Variants in SLC6A2 observed in about 807,000 individuals in gnomAD.
SLC6A2 encodes solute carrier family 6 member 2.
SLC6A2 carries 26 observed loss-of-function variants against 71.7 expected under a neutral mutation model. The ratio of observed to expected loss-of-function variants is 0.36; its 90% CI spans 0.27 to 0.50. The LOEUF (loss-of-function observed/expected upper bound fraction) is 0.50. Ranked by LOEUF, SLC6A2 falls within the 20% of genes least tolerant of loss-of-function variation. The pLI, the probability that SLC6A2 is intolerant of heterozygous loss-of-function variation, is 0.96. For synonymous variants in SLC6A2, 363 were observed against 337.9 expected (o/e 1.07, Z -0.82); for missense variants, 581 against 803.9 (o/e 0.72, Z 3.35).
At chr16:55,677,959 C>T (rs763334890) in intron 4 of SLC6A2, among the ~76,000 whole-genome samples, 1 of 152,172 alleles carries the variant, frequency 6.6e-6, no homozygotes, top group African/African-American at 2.4e-5. Context: ...CCTCACCCGG[C>T]CTACAGGGCT....
chr16:55,680,582 G>A (rs1355612981), intron 4 of SLC6A2, among the ~76,000 whole-genome samples: 2 of 152,126 alleles, frequency 1.3e-5, no homozygotes, highest in Admixed American at 6.5e-5. Context: ...ACTAGATGGT[G>A]CCCACCCAGA....
chr16:55,694,279 G>A (rs1261647541), intron 7 of SLC6A2, among the ~76,000 whole-genome samples, 166 bp downstream of exon 7: 1 of 152,118 alleles, frequency 6.6e-6, no homozygotes, highest in East Asian at 1.9e-4. Context: ...GCCTCTGAGG[G>A]TCCTGATGAC....
rs201774381 is a variant in SLC6A2 at position 55,702,747 on chromosome 16, C to CCCAAGAAAAA, written c.*401_*402insCCAAGAAAAA. On this transcript the variant is annotated 3_prime_UTR_variant, in exon 15 of 15. Transcript: ENST00000568943. Reference sequence around the variant, plus strand: ...TGGGCTTTTGATCAGATACCCCTCCCAAAAAAAAAAAAAACTAAAACTAAA... The same window carrying CCCAAGAAAAA: ...TGGGCTTTTGATCAGATACCCCTCCCCCAAGAAAAAAAAAAAAAAAAAAACTAAAACTAAA... The CCCAAGAAAAA allele has an allele frequency of 1.3e-6, 1 of 780,430 alleles. No homozygotes were observed. Among genetic ancestry groups the CCCAAGAAAAA allele is most frequent in the African/African-American group, 2.4e-5 (1 of 42,032 alleles). 48.3% of individuals were successfully genotyped at this position (780,430 alleles called of 1,614,324 possible).
chr16:55,695,255 C>T, intron 7 of SLC6A2, 23 bp from the exon 8 acceptor site: 3 of 1,613,958 alleles, frequency 1.9e-6, no homozygotes, highest in Middle Eastern at 1.6e-4. Context: ...AGGGACTTGA[C>T]CTCACTGTGC....
intron 6 of SLC6A2, 47 bp downstream of exon 6, chr16:55,692,099 G>C (rs756867558): frequency 6.2e-6 from 10 of 1,609,288 alleles, no homozygotes; most frequent in Non-Finnish European, 8.5e-6. Context: ...TTGTGGGAGG[G>C]TTTTCAGGAG....
Position 55,669,590 on chromosome 16 carries a change from G to C in SLC6A2, c.300G>C (p.Leu100=), listed in dbSNP as rs767539013. The C allele has an allele frequency of 1.2e-6, 2 of 1,614,056 alleles. No individual in the cohort carries two copies. The highest frequency in any genetic ancestry group is 2.7e-5 in the African/African-American group (2 of 75,038). The change falls in exon 3 of 15, where the codon CTG becomes CTC. Residue 100 remains leucine (L), a synonymous_variant. Coordinates refer to ENST00000568943, the MANE Select transcript of SLC6A2 (RefSeq NM_001172501.3). The part of the protein sequence containing the change: ...GGGAFLIPYT[L]FLIIAGMPLF... ...GTGCCTTCTTGATCCCGTACACACT[G>C]TTCCTTATCATCGCGGGGATGCCCC...
chr16:55,703,030 G>C lies in SLC6A2; in HGVS notation c.*684G>C. 3.0e-6 allele frequency: 3 copies of C among 986,866 alleles called. No individual in the cohort carries two copies. In the South Asian group the frequency reaches 1.4e-4, roughly 46 times the overall value. The allele number at this position is 986,866 out of a possible 1,614,324, so 61.1% of individuals were successfully genotyped here. A position where few individuals can be genotyped will look rare whatever the true frequency, so the allele number is the denominator to read the frequency against. ...ACATTCCTCCAGCTTTTGGTGGTCAGATGGCCCAGAGATATGGGGGACAGG... is the reference window on the plus strand; with the variant it reads ...ACATTCCTCCAGCTTTTGGTGGTCACATGGCCCAGAGATATGGGGGACAGG... On this transcript the variant is annotated 3_prime_UTR_variant, in exon 15 of 15. Coordinates refer to ENST00000568943, the MANE Select transcript of SLC6A2 (RefSeq NM_001172501.3).
intron 5 of SLC6A2, among the ~76,000 whole-genome samples, chr16:55,690,642 T>TA (rs1245738780): frequency 6.6e-6 from 1 of 152,196 alleles, no homozygotes; most frequent in Admixed American, 6.5e-5. Context: ...TCAGCAAGGC[T>TA]ACCCATGGCT....
rs1267506622 is a variant in SLC6A2 at position 55,704,885 on chromosome 16, G to A, written c.*2539G>A. The A allele has an allele frequency of 5.1e-6, 1 of 194,828 alleles. No individual in the cohort carries two copies. The highest frequency in any genetic ancestry group is 1.0e-5 in the Non-Finnish European group (1 of 96,390). The allele number at this position is 194,828 out of a possible 1,614,324, so 12.1% of individuals were successfully genotyped here. A position where few individuals can be genotyped will look rare whatever the true frequency, so the allele number is the denominator to read the frequency against. Reference sequence around the variant, plus strand: ...CTCCAAGCCTGGGTCCCCTGGGAGGGTGGGGGTACCCAGAAAGCCCTTGGA... The same window carrying A: ...CTCCAAGCCTGGGTCCCCTGGGAGGATGGGGGTACCCAGAAAGCCCTTGGA... On this transcript the variant is annotated 3_prime_UTR_variant, in exon 15 of 15. Coordinates refer to ENST00000568943, the MANE Select transcript of SLC6A2 (RefSeq NM_001172501.3).
chr16:55,676,327 T>C (rs556469400), intron 4 of SLC6A2, among the ~76,000 whole-genome samples: 13 of 152,308 alleles, frequency 8.5e-5, no homozygotes, highest in Admixed American at 2.6e-4. Flanking sequence ...GCTAACTTCC[T>C]CCTATGTATT....
At position 55,702,406 on chromosome 16, in the gene SLC6A2, G is replaced by T. The variant is rs538101361; in HGVS notation, c.*60G>T. Reference sequence around the variant, plus strand: ...AATGTCCAGGTCACAGGCATCCGCTGCGCTCCCACCTCGGACACCATCTTG... The same window carrying T: ...AATGTCCAGGTCACAGGCATCCGCTTCGCTCCCACCTCGGACACCATCTTG... On this transcript the variant is annotated 3_prime_UTR_variant, in exon 15 of 15. Coordinates refer to ENST00000568943, the MANE Select transcript of SLC6A2 (RefSeq NM_001172501.3). 2.5e-6 allele frequency: 4 copies of T among 1,614,076 alleles called. No homozygotes were observed. Among genetic ancestry groups the T allele is most frequent in the Non-Finnish European group, 3.4e-6 (4 of 1,179,994 alleles).
Position 55,702,454 on chromosome 16 carries a change from C to A in SLC6A2, c.*108C>A. ...TTGGGATTCCTCCCCTGGAAGTTGT[C>A]CTTTCTGATCCTCTCTTCTTTTCCC... On this transcript the variant is annotated 3_prime_UTR_variant, in exon 15 of 15. Transcript: ENST00000568943. 1 of 1,598,460 alleles carries A rather than the reference C, an allele frequency of 6.3e-7. No homozygotes were observed. The highest frequency in any genetic ancestry group is 1.1e-5 in the South Asian group (1 of 89,428).
chr16:55,687,074 G>T (rs1274616837), intron 5 of SLC6A2, among the ~76,000 whole-genome samples: 2 of 152,192 alleles, frequency 1.3e-5, no homozygotes, highest in Non-Finnish European at 2.9e-5. Flanking sequence ...GGCAGGTTAT[G>T]GATCAACCAA....
intron 2 of SLC6A2, among the ~76,000 whole-genome samples, chr16:55,666,261 G>C (rs1964746820): frequency 6.6e-6 from 1 of 152,222 alleles, no homozygotes; most frequent in South Asian, 2.1e-4. Context: ...GACCACACAA[G>C]TATGGCAGTT....
intron 6 of SLC6A2, among the ~76,000 whole-genome samples, chr16:55,692,456 A>G (rs1328440573): frequency 4.6e-5 from 7 of 152,106 alleles, no homozygotes; most frequent in Non-Finnish European, 8.8e-5. Flanking sequence ...CCATCCTGTG[A>G]TGTCAGCACA....
chr16:55,696,486 A>T (rs1202948178), intron 9 of SLC6A2, 149 bp downstream of exon 9: 1 of 674,180 alleles, frequency 1.5e-6, no homozygotes, highest in Non-Finnish European at 2.7e-6. Context: ...CAGACAAAAA[A>T]AGTGAGTCCT....
Position 55,699,639 on chromosome 16 carries a change from T to C in SLC6A2, c.1575T>C (p.Ser525=), listed in dbSNP as rs541074368. The stretch of plus-strand genomic sequence containing the variant: ...GGAGACTGTGCTGGAAGTTCGTCAG[T>C]CCTGCCTTCCTCCTGGTGTGTAGTG... The part of the protein sequence containing the change: ...LYWRLCWKFV[S]PAFLLFVVVV... The change falls in exon 12 of 15, where the codon AGT becomes AGC. Residue 525 remains serine (S), a synonymous_variant. Transcript: ENST00000568943. 4.0e-5 allele frequency: 65 copies of C among 1,612,716 alleles called. 1 individual carries two copies. In the Admixed American group the frequency reaches 8.2e-4, roughly 20 times the overall value.
In SLC6A2 at chr16:55,672,053, C is replaced by G; in HGVS notation, c.522C>G (p.Thr174=). 2 of 1,614,164 alleles carry G rather than the reference C, an allele frequency of 1.2e-6. No individual in the cohort carries two copies. The highest frequency in any genetic ancestry group is 1.7e-6 in the Non-Finnish European group (2 of 1,180,012). The change falls in exon 4 of 15, where the codon ACC becomes ACG. Residue 174 remains threonine, a synonymous_variant. Transcript: ENST00000568943. ...CCTTCACCCTCAACCTGCCCTGGAC[C>G]GACTGTGGCCACACCTGGAACAGCC... ...FSSFTLNLPW[T]DCGHTWNSPN...
chr16:55,686,226 C>T (rs1965447707), intron 5 of SLC6A2, among the ~76,000 whole-genome samples: 1 of 152,156 alleles, frequency 6.6e-6, no homozygotes, highest in South Asian at 2.1e-4. Context: ...CTGGAATATT[C>T]TAGATGGTGC....
Sources: allele counts gnomAD v4.1 joint callset (sites outside exome capture counted in the v4.1 genomes callset), GRCh38; gene constraint gnomAD v4.1.1; transcripts MANE v1.5; gene names NCBI Gene and HGNC (gene_info 2026-07-23, HGNC 2026-07-21).